Variants in LRRC14 observed in about 807,000 individuals in gnomAD.
LRRC14 encodes the protein leucine-rich repeat-containing protein 14.
LRRC14 carries 16 observed loss-of-function variants against 25.3 expected under a neutral mutation model. The ratio of observed to expected loss-of-function variants is 0.63; its 90% confidence interval spans 0.43 to 0.96. The LOEUF is 0.96. Ranked by LOEUF, LRRC14 falls within the 40% of genes least tolerant of loss-of-function variation. The pLI is 0.00. For synonymous variants in LRRC14, 359 were observed against 295.1 expected (o/e 1.22, Z -2.22); for missense variants, 594 against 660.5 (o/e 0.90, Z 1.10).
In LRRC14 at chr8:144,522,881, G is replaced by T; in HGVS notation, c.*1403G>T. ...GGGCTCGCTGCCGGCGGGGCGGGCGGCCGGAGGCGGCGGTTGCGCGGGCTG... is the reference window on the plus strand; with the variant it reads ...GGGCTCGCTGCCGGCGGGGCGGGCGTCCGGAGGCGGCGGTTGCGCGGGCTG... On this transcript the variant is annotated 3_prime_UTR_variant, in exon 4 of 4. Transcript: ENST00000292524. 7 of 1,269,176 alleles carry T rather than the reference G, an allele frequency of 5.5e-6. No individual in the cohort carries two copies. Among genetic ancestry groups the T allele is most frequent in the Non-Finnish European group, 6.9e-6 (7 of 1,014,450 alleles). 78.6% of individuals were successfully genotyped at this position (1,269,176 alleles called of 1,614,324 possible).
In LRRC14 at chr8:144,519,982, A is replaced by G. The variant is rs1815884023; in HGVS notation, c.257A>G (p.Gln86Arg). The G allele has an allele frequency of 2.5e-6, 4 of 1,612,602 alleles. No individual in the cohort carries two copies. The highest frequency in any genetic ancestry group is 3.3e-5 in the Admixed American group (2 of 60,008). ...GAGCGGCCTAGCACTGAGAGCATGC[A>G]GGCTGTTATCCTGGGGCTGACTGCC... ...LQERPSTESM[Q>R]AVILGLTARL... The change falls in exon 2 of 4, where the codon CAG becomes CGG. Residue 86 changes from glutamine (Q) to arginine (R), a missense_variant. Coordinates refer to ENST00000292524, the MANE Select transcript of LRRC14 (RefSeq NM_014665.4).
Position 144,523,790 on chromosome 8 carries a change from T to C in LRRC14, c.*2312T>C, listed in dbSNP as rs913556543. The C allele has an allele frequency of 2.4e-6, 1 of 421,438 alleles. No individual in the cohort carries two copies. Among genetic ancestry groups the C allele is most frequent in the South Asian group, 5.1e-5 (1 of 19,700 alleles). 26.1% of individuals were successfully genotyped at this position (421,438 alleles called of 1,614,324 possible). A position where few individuals can be genotyped will look rare whatever the true frequency, so the allele number is the denominator to read the frequency against. ...AGCCTTGCCTTTGGATGCCCTCTCT[T>C]GGGAATGTCCCCAGTCCTGGTCAGC... On this transcript the variant is annotated 3_prime_UTR_variant, in exon 4 of 4. Transcript: ENST00000292524.
intron 1 of LRRC14, chr8:144,519,370 C>T (rs2130764396): frequency 2.7e-6 from 1 of 371,250 alleles, no homozygotes; most frequent in Non-Finnish European, 5.1e-6. Flanking sequence ...ATTTGAGAGG[C>T]CTGAAGTACC....
rs1816266033 is a variant in LRRC14 at position 144,524,359 on chromosome 8, G to A, written c.*2881G>A. ...CTCTCTTCTTACCAAGCTAGACTGGGTTGCCTTTTCTAACTATTCCAGCCC... is the reference window on the plus strand; with the variant it reads ...CTCTCTTCTTACCAAGCTAGACTGGATTGCCTTTTCTAACTATTCCAGCCC... On this transcript the variant is annotated 3_prime_UTR_variant, in exon 4 of 4. Transcript: ENST00000292524. The A allele has an allele frequency of 1.9e-6, 3 of 1,594,996 alleles. No homozygotes were observed. Among genetic ancestry groups the A allele is most frequent in the East Asian group, 2.2e-5 (1 of 44,776 alleles).
rs1816279771 is a variant in LRRC14 at position 144,524,553 on chromosome 8, C to G, written c.*3075C>G. ...GGCGCCGCTGCGCAAGCCGCGCAGCCGGTTGCTAGTGAGCGCCAGCTCCAG... is the reference window on the plus strand; with the variant it reads ...GGCGCCGCTGCGCAAGCCGCGCAGCGGGTTGCTAGTGAGCGCCAGCTCCAG... On this transcript the variant is annotated 3_prime_UTR_variant, in exon 4 of 4. Coordinates refer to ENST00000292524, the MANE Select transcript of LRRC14 (RefSeq NM_014665.4). The G allele has an allele frequency of 1.3e-6, 2 of 1,577,244 alleles. No homozygotes were observed. The highest frequency in any genetic ancestry group is 1.7e-6 in the Non-Finnish European group (2 of 1,170,052).
In LRRC14 at chr8:144,520,738, T is replaced by G; in HGVS notation, c.830T>G (p.Leu277Arg). The G allele has an allele frequency of 6.3e-7, 1 of 1,598,938 alleles. No homozygotes were observed. The highest frequency in any genetic ancestry group is 8.5e-7 in the Non-Finnish European group (1 of 1,179,940). ...GGCGAGGACAACTTCCGCTACTTCC[T>G]TGCCCAGATGGGCCGCTTCACCTGT... is the stretch of plus-strand genomic sequence containing the variant. ...VDGEDNFRYF[L>R]AQMGRFTCLR... Residue 277 changes from leucine (L) to arginine (R), a missense_variant, in exon 3 of 4, where the codon CTT becomes CGT. Physicochemically the swap from Leu to Arg is moderately radical, Grantham distance 102. Coordinates refer to ENST00000292524, the MANE Select transcript of LRRC14 (RefSeq NM_014665.4).
Position 144,521,001 on chromosome 8 carries a change from T to C in LRRC14, c.1005T>C (p.Ala335=), listed in dbSNP as rs1366907317. 1 of 1,613,056 alleles carries C rather than the reference T, an allele frequency of 6.2e-7. No homozygotes were observed. Among genetic ancestry groups the C allele is most frequent in the Non-Finnish European group, 8.5e-7 (1 of 1,180,048 alleles). The change falls in exon 4 of 4, where the codon GCT becomes GCC. Residue 335 remains alanine, a synonymous_variant. Transcript: ENST00000292524. ...GCTTCCTGGCACGGAGCCCACATGC[T>C]GCCCACCTCAAGAAGTTGGACCTGA... The part of the protein sequence containing the change: ...DLRFLARSPH[A]AHLKKLDLSG...
chr8:144,519,438 T>G, intron 1 of LRRC14, 177 bp from the exon 2 acceptor site: 2 of 506,038 alleles, frequency 4.0e-6, no homozygotes, highest in Middle Eastern at 5.3e-4. Flanking sequence ...AGCAAGCGAG[T>G]TGTTGACGAT....
rs1333351143 is a variant in LRRC14 at position 144,522,103 on chromosome 8, GCAACAACTGC to G, written c.*628_*637del. 2.7e-5 allele frequency: 7 copies of G among 262,406 alleles called. No individual in the cohort carries two copies. Among genetic ancestry groups the G allele is most frequent in the Admixed American group, 2.2e-4 (4 of 18,246 alleles). 16.3% of individuals were successfully genotyped at this position (262,406 alleles called of 1,614,324 possible). The stretch of plus-strand genomic sequence containing the variant: ...CTGTCACCCCCAACATGGCCACCCG[GCAACAACTGC>G]CATCCAGCCTGTCGCCCCGCCCTTC... On this transcript the variant is annotated 3_prime_UTR_variant, in exon 4 of 4. Coordinates refer to ENST00000292524, the MANE Select transcript of LRRC14 (RefSeq NM_014665.4).
rs772035736 is a variant in LRRC14, at chr8:144,523,204, G to T, written c.*1726G>T. 6.2e-7 allele frequency: 1 copy of T among 1,609,696 alleles called. No individual in the cohort carries two copies. Among genetic ancestry groups the T allele is most frequent in the South Asian group, 1.1e-5 (1 of 90,678 alleles). ...CAACCCGCAGGTCCTCACCCAGGTTGGCTGTGAGCTCCAGCGGCTGCACGT... is the reference window on the plus strand; with the variant it reads ...CAACCCGCAGGTCCTCACCCAGGTTTGCTGTGAGCTCCAGCGGCTGCACGT... On this transcript the variant is annotated 3_prime_UTR_variant, in exon 4 of 4. Transcript: ENST00000292524.
At position 144,524,596 on chromosome 8, in the gene LRRC14, G is replaced by A; in HGVS notation, c.*3118G>A. ...AGCTCCAGCAGGCGCGGCTGCGCGC[G>A]GAAGGCGCCGGCCTCCAGGGCGCGC... is the stretch of plus-strand genomic sequence containing the variant. On this transcript the variant is annotated 3_prime_UTR_variant, in exon 4 of 4. Transcript: ENST00000292524. The A allele has an allele frequency of 2.0e-6, 3 of 1,528,910 alleles. No individual in the cohort carries two copies. Among genetic ancestry groups the A allele is most frequent in the South Asian group, 1.2e-5 (1 of 83,468 alleles). The allele number at this position is 1,528,910 out of a possible 1,614,324, so 94.7% of individuals were successfully genotyped here.
Position 144,522,504 on chromosome 8 carries a change from G to A in LRRC14, c.*1026G>A, listed in dbSNP as rs201876347. ...CAGTGGATCTCGTAGGCGACCGGCG[G>A]GGGCACGCGGAGTCCCGGCCCCGCC... On this transcript the variant is annotated 3_prime_UTR_variant, in exon 4 of 4. Transcript: ENST00000292524. The A allele has an allele frequency of 6.0e-6, 9 of 1,497,622 alleles. No individual in the cohort carries two copies. The highest frequency in any genetic ancestry group is 1.9e-4 in the Middle Eastern group (1 of 5,192). The allele number at this position is 1,497,622 out of a possible 1,614,324, so 92.8% of individuals were successfully genotyped here. A position where few individuals can be genotyped will look rare whatever the true frequency, so the allele number is the denominator to read the frequency against.
At position 144,521,589 on chromosome 8, in the gene LRRC14, C is replaced by G; in HGVS notation, c.*111C>G. On this transcript the variant is annotated 3_prime_UTR_variant, in exon 4 of 4. Coordinates refer to ENST00000292524, the MANE Select transcript of LRRC14 (RefSeq NM_014665.4). ...CACAAAAGCACTGGTTACTGGTTTC[C>G]TGCTGGGTCTACCTTGCTTCTGGGC... 4.4e-6 allele frequency: 5 copies of G among 1,139,922 alleles called. No individual in the cohort carries two copies. Among genetic ancestry groups the G allele is most frequent in the Non-Finnish European group, 6.1e-6 (5 of 824,616 alleles). 70.6% of individuals were successfully genotyped at this position (1,139,922 alleles called of 1,614,324 possible). A position where few individuals can be genotyped will look rare whatever the true frequency, so the allele number is the denominator to read the frequency against.
rs576548453 is a variant in LRRC14 at position 144,522,918 on chromosome 8, G to C, written c.*1440G>C. 3 of 1,452,664 alleles carry C rather than the reference G, an allele frequency of 2.1e-6. No individual in the cohort carries two copies. In the African/African-American group the frequency reaches 4.4e-5, roughly 21 times the overall value. 90.0% of individuals were successfully genotyped at this position (1,452,664 alleles called of 1,614,324 possible). Reference sequence around the variant, plus strand: ...GGTTGCGCGGGCTGCTGCGGCTGCTGCCGGGACGCGTTGACCAGGAGCCGG... The same window carrying C: ...GGTTGCGCGGGCTGCTGCGGCTGCTCCCGGGACGCGTTGACCAGGAGCCGG... On this transcript the variant is annotated 3_prime_UTR_variant, in exon 4 of 4. Coordinates refer to ENST00000292524, the MANE Select transcript of LRRC14 (RefSeq NM_014665.4).
chr8:144,521,725 T>G lies in LRRC14; in HGVS notation c.*247T>G. The stretch of plus-strand genomic sequence containing the variant: ...CCGGGGCTGGATGTCAGGCCTCCAT[T>G]GCCCTGCTCAGTTTGGCTGCATTTG... On this transcript the variant is annotated 3_prime_UTR_variant, in exon 4 of 4. Transcript: ENST00000292524. The G allele has an allele frequency of 1.9e-6, 1 of 533,090 alleles. No homozygotes were observed. Among genetic ancestry groups the G allele is most frequent in the Non-Finnish European group, 3.3e-6 (1 of 299,110 alleles). 33.0% of individuals were successfully genotyped at this position (533,090 alleles called of 1,614,324 possible). A position where few individuals can be genotyped will look rare whatever the true frequency, so the allele number is the denominator to read the frequency against.
rs770368956 is a variant in LRRC14, at chr8:144,522,709, C to G, written c.*1231C>G. The G allele has an allele frequency of 1.0e-5, 16 of 1,596,910 alleles. No homozygotes were observed. The highest frequency in any genetic ancestry group is 1.4e-5 in the Non-Finnish European group (16 of 1,172,954). ...ACAGCGCTCCCTCCCCCGGAGGCCC[C>G]CGCGCCTTTTTTCGCCTGCGGCGCC... On this transcript the variant is annotated 3_prime_UTR_variant, in exon 4 of 4. Coordinates refer to ENST00000292524, the MANE Select transcript of LRRC14 (RefSeq NM_014665.4).
At position 144,520,412 on chromosome 8, in the gene LRRC14, C is replaced by A; in HGVS notation, c.504C>A (p.Arg168=). The A allele has an allele frequency of 6.2e-7, 1 of 1,603,466 alleles. No individual in the cohort carries two copies. Among genetic ancestry groups the A allele is most frequent in the Non-Finnish European group, 8.5e-7 (1 of 1,176,312 alleles). The change falls in exon 3 of 4, where the codon CGC becomes CGA. Residue 168 remains arginine, a synonymous_variant. Coordinates refer to ENST00000292524, the MANE Select transcript of LRRC14 (RefSeq NM_014665.4). ...PGPAPIPVEV[R]VDLRVNRASY... is the part of the protein sequence containing the mutation. ...CAGCCCCCATCCCCGTGGAGGTGCG[C>A]GTGGACCTGCGGGTGAACCGGGCCT... is the stretch of plus-strand genomic sequence containing the variant.
Position 144,523,381 on chromosome 8 carries a change from C to A in LRRC14, c.*1903C>A. 6.4e-7 allele frequency: 1 copy of A among 1,554,598 alleles called. No homozygotes were observed. The highest frequency in any genetic ancestry group is 8.7e-7 in the Non-Finnish European group (1 of 1,149,288). ...CCTTGATCCAGGCACCCAGCCAGTG[C>A]AGGGCGCAGTCACAGCGCCATGGGT... is the stretch of plus-strand genomic sequence containing the variant. On this transcript the variant is annotated 3_prime_UTR_variant, in exon 4 of 4. Coordinates refer to ENST00000292524, the MANE Select transcript of LRRC14 (RefSeq NM_014665.4).
rs1429728646 is a variant in LRRC14, at chr8:144,524,393, G to T, written c.*2915G>T. 3 of 1,594,016 alleles carry T rather than the reference G, an allele frequency of 1.9e-6. No individual in the cohort carries two copies. In the East Asian group the frequency reaches 6.7e-5, roughly 36 times the overall value. On this transcript the variant is annotated 3_prime_UTR_variant, in exon 4 of 4. Coordinates refer to ENST00000292524, the MANE Select transcript of LRRC14 (RefSeq NM_014665.4). The stretch of plus-strand genomic sequence containing the variant: ...TCTAACTATTCCAGCCCTACAGGGC[G>T]AGGGGCCATAATGGAGTATCCCGCC...
Sources: gnomAD v4.1 joint callset for allele counts on GRCh38, gnomAD v4.1.1 for gene constraint, MANE v1.5 for transcripts, NCBI Gene and HGNC (gene_info 2026-07-23, HGNC 2026-07-21) for gene names.